The following DNAJC18 variants were observed in gnomAD, a reference collection of about 807,000 sequenced individuals.
DNAJC18 encodes DnaJ heat shock protein family (Hsp40) member C18.
Under a neutral mutation model 48.6 loss-of-function variants are expected in DNAJC18, and 40 were observed. That is an observed-to-expected ratio of 0.82 (90% confidence interval 0.64 to 1.07). The LOEUF (loss-of-function observed/expected upper bound fraction) is 1.07, where lower values mean the gene tolerates loss of function less well. Among genes scored for constraint, DNAJC18 ranks in the 50% least tolerant of loss-of-function variants. The pLI is 0.00. For synonymous variants in DNAJC18, 135 were observed against 152.2 expected (o/e 0.89, Z 0.83); for missense variants, 340 against 427.7 (o/e 0.79, Z 1.81).
At position 139,414,252 on chromosome 5, in the gene DNAJC18, C is replaced by G; in HGVS notation, c.973G>C (p.Ala325Pro). Residue 325 changes from alanine (A) to proline (P), a missense_variant, in exon 8 of 8, where the codon GCA becomes CCA. By Grantham distance (27) the Ala-to-Pro change is conservative. Transcript: ENST00000302060. ...AATCGTTCATCTCTGTATAATCCTG[C>G]CAAATTTGTCAGCTCTGACTCTGAA... is the stretch of plus-strand genomic sequence containing the variant. ...KQQKSELTNL[A>P]GLYRDERLKQ... is the part of the protein sequence containing the mutation. The G allele has an allele frequency of 6.2e-7, 1 of 1,612,984 alleles. No individual in the cohort carries two copies. Among genetic ancestry groups the G allele is most frequent in the Non-Finnish European group, 8.5e-7 (1 of 1,179,642 alleles).
rs1379528445 is a variant in DNAJC18, at chr5:139,422,770, C to T, written c.717G>A (p.Val239=). 6.2e-7 allele frequency: 1 copy of T among 1,610,628 alleles called. No individual in the cohort carries two copies. The highest frequency in any genetic ancestry group is 1.7e-5 in the Admixed American group (1 of 59,522). ...FIQLLPVLVI[V]IISVITQLLA... ...GCAGCTGAGTAATGACAGATATAATCACAATCACAAGAACTGGAAGTAGCT... is the reference window on the plus strand; with the variant it reads ...GCAGCTGAGTAATGACAGATATAATTACAATCACAAGAACTGGAAGTAGCT... The change falls in exon 6 of 8, where the codon GTG becomes GTA. Residue 239 remains valine (V), a synonymous_variant. Transcript: ENST00000302060.
intron 6 of DNAJC18, among the ~76,000 whole-genome samples, chr5:139,421,761 T>C (rs1327026744): frequency 1.3e-5 from 2 of 152,074 alleles, no homozygotes; most frequent in African/African-American, 4.8e-5. Context: ...TGAGCCCAGA[T>C]TGCACCACTG....
chr5:139,422,796 G>A lies in DNAJC18; in HGVS notation c.691C>T (p.Gln231Ter). 2 of 1,601,858 alleles carry A rather than the reference G, an allele frequency of 1.2e-6. No individual in the cohort carries two copies. The highest frequency in any genetic ancestry group is 1.7e-6 in the Non-Finnish European group (2 of 1,176,014). ...ACAATCACAAGAACTGGAAGTAGCT[G>A]AATAAATGCAGAATATGTAGTCTGA... is the stretch of plus-strand genomic sequence containing the variant. ...KPQTTYSAFI[Q>*]LLPVLVIVII... The change falls in exon 6 of 8, where the codon CAG (glutamine) becomes TAG (stop). Residue 231 changes from glutamine (Q) to a stop codon, truncating the protein, a stop_gained. Coordinates refer to ENST00000302060, the MANE Select transcript of DNAJC18 (RefSeq NM_152686.4). LOFTEE classifies it high-confidence loss of function.
chr5:139,428,082 G>C (rs1442887087), intron 3 of DNAJC18, among the ~76,000 whole-genome samples: 1 of 152,150 alleles, frequency 6.6e-6, no homozygotes, highest in African/African-American at 2.4e-5. Flanking sequence ...ACTGCGCTCA[G>C]CCTGAAGAAT....
chr5:139,439,031 G>T lies in DNAJC18; in HGVS notation c.40+375C>A, dbSNP rs1332732743. 6.6e-6 allele frequency among the ~76,000 whole-genome samples: 1 copy of T among 152,208 alleles called. No individual in the cohort carries two copies. The highest frequency in any genetic ancestry group is 1.5e-5 in the Non-Finnish European group (1 of 68,042). On this transcript the variant is annotated intron_variant, in intron 1 of 7. Transcript: ENST00000302060. This position sits in a 1 kb window ranked among gnomAD's most constrained non-coding sequence, Gnocchi z 4.1. ...GGCTGGAGCGACATGATCAAACAGG[G>T]ACTGAAGGTCAGGTGGCCCAGTTAG...
chr5:139,435,339 C>T (rs1043595436), intron 2 of DNAJC18, among the ~76,000 whole-genome samples: 2 of 151,464 alleles, frequency 1.3e-5, no homozygotes, highest in South Asian at 2.1e-4. Context: ...GGTGACAGAG[C>T]AAGAATCCGT....
intron 3 of DNAJC18, among the ~76,000 whole-genome samples, chr5:139,427,797 G>A (rs760756246): frequency 3.9e-5 from 6 of 152,066 alleles, no homozygotes; most frequent in African/African-American, 7.2e-5. Flanking sequence ...TTTTCATTAT[G>A]TTAAATTTTT....
intron 7 of DNAJC18, among the ~76,000 whole-genome samples, chr5:139,417,730 C>T (rs1759091464): frequency 6.6e-6 from 1 of 152,066 alleles, no homozygotes; most frequent in African/African-American, 2.4e-5. Flanking sequence ...CGCACCACCA[C>T]ACCCAGCTAA....
At position 139,412,685 on chromosome 5, in the gene DNAJC18, C is replaced by G. The variant is rs1759011249; in HGVS notation, c.*1463G>C. On this transcript the variant is annotated 3_prime_UTR_variant, in exon 8 of 8. Coordinates refer to ENST00000302060, the MANE Select transcript of DNAJC18 (RefSeq NM_152686.4). ...GGCAGCTCAGCTCCACAGGAAGGCC[C>G]AGAACCACACAGCCCAGGCAGTGAC... is the stretch of plus-strand genomic sequence containing the variant. 1 of 398,628 alleles carries G rather than the reference C, an allele frequency of 2.5e-6. No homozygotes were observed. Among genetic ancestry groups the G allele is most frequent in the Non-Finnish European group, 4.4e-6 (1 of 226,182 alleles). The allele number at this position is 398,628 out of a possible 1,614,324, so 24.7% of individuals were successfully genotyped here.
Position 139,410,439 on chromosome 5 carries a change from A to G in DNAJC18, c.*3709T>C, listed in dbSNP as rs1440243839. The G allele has an allele frequency of 6.6e-6, 1 of 152,252 alleles. No homozygotes were observed. Among genetic ancestry groups the G allele is most frequent in the East Asian group, 1.9e-4 (1 of 5,206 alleles). The allele number at this position is 152,252 out of a possible 1,614,324, so 9.4% of individuals were successfully genotyped here. On this transcript the variant is annotated 3_prime_UTR_variant, in exon 8 of 8. Transcript: ENST00000302060. ...TATATACTTTCTTGGTGGCCACTGC[A>G]TGACATATCAACAGTGCAGCCTCAA... is the stretch of plus-strand genomic sequence containing the variant.
intron 6 of DNAJC18, 29 bp from the exon 7 acceptor site, chr5:139,420,254 A>G (rs1328127164): frequency 6.3e-7 from 1 of 1,579,714 alleles, no homozygotes; most frequent in Middle Eastern, 1.9e-4. Context: ...GGCTCATGTG[A>G]GCTCATAATA....
At position 139,414,387 on chromosome 5, in the gene DNAJC18, A is replaced by G; in HGVS notation, c.953-115T>C. On this transcript the variant is annotated intron_variant, in intron 7 of 7. Coordinates refer to ENST00000302060, the MANE Select transcript of DNAJC18 (RefSeq NM_152686.4). ...ATTTCAAGCTTTTTCTTACAATTAA[A>G]TATAAGAAACATTTAGTCATTTATT... 3.6e-6 allele frequency: 5 copies of G among 1,389,290 alleles called. No individual in the cohort carries two copies. In the African/African-American group the frequency reaches 7.3e-5, roughly 20 times the overall value. The allele number at this position is 1,389,290 out of a possible 1,614,324, so 86.1% of individuals were successfully genotyped here. A position where few individuals can be genotyped will look rare whatever the true frequency, so the allele number is the denominator to read the frequency against.
chr5:139,433,146 C>A (rs1297413207), intron 2 of DNAJC18, among the ~76,000 whole-genome samples: 1 of 152,166 alleles, frequency 6.6e-6, no homozygotes, highest in African/African-American at 2.4e-5. Flanking sequence ...ATAAAAGCTT[C>A]ATTTTCAATA....
chr5:139,417,411 C>T (rs183475026), intron 7 of DNAJC18, among the ~76,000 whole-genome samples: 4 of 152,166 alleles, frequency 2.6e-5, no homozygotes, highest in East Asian at 1.9e-4. Context: ...CTGCTGGATT[C>T]GGAGGGCAGA....
chr5:139,420,026 G>A, intron 7 of DNAJC18, 27 bp downstream of exon 7: 2 of 1,521,430 alleles, frequency 1.3e-6, no homozygotes, highest in Non-Finnish European at 8.8e-7. Flanking sequence ...ACAGCCACCA[G>A]CTAATGCCCC....
At chr5:139,420,246 C>G (rs1347176411) in intron 6 of DNAJC18, 21 bp from the exon 7 acceptor site, 1 of 1,583,858 alleles carries the variant, frequency 6.3e-7, no homozygotes, top group Non-Finnish European at 8.5e-7. Flanking sequence ...GAGAGAGAGG[C>G]TCATGTGAGC....
chr5:139,423,724 A>AT (rs1172177187), intron 5 of DNAJC18, among the ~76,000 whole-genome samples: 1 of 151,454 alleles, frequency 6.6e-6, no homozygotes, highest in Non-Finnish European at 1.5e-5. Context: ...CAAATATATA[A>AT]TGGTATAATG....
chr5:139,419,271 G>A (rs1759115092), intron 7 of DNAJC18: 4 of 384,976 alleles, frequency 1.0e-5, no homozygotes, highest in Non-Finnish European at 2.0e-5. Context: ...TGGGACCAAA[G>A]GTGAAGCTGT....
At chr5:139,425,615 A>G (rs1394141522) in intron 4 of DNAJC18, among the ~76,000 whole-genome samples, 1 of 152,224 alleles carries the variant, frequency 6.6e-6, no homozygotes, top group Non-Finnish European at 1.5e-5. Flanking sequence ...CTTCATTTAA[A>G]TAGTCCTTTG....
Sources: allele counts gnomAD v4.1 joint callset (sites outside exome capture counted in the v4.1 genomes callset), GRCh38; gene constraint gnomAD v4.1.1; non-coding constraint Gnocchi (gnomAD v3.1); transcripts MANE v1.5; gene names NCBI Gene and HGNC (gene_info 2026-07-23, HGNC 2026-07-21).